TG: variants seen among roughly 807,000 people sequenced by gnomAD.
TG encodes thyroid hormones.
In TG, 270 loss-of-function variants were observed where a neutral mutation model predicts 324.7. The ratio of observed to expected loss-of-function variants is 0.83; its 90% confidence interval spans 0.75 to 0.92. The LOEUF is 0.92. TG is among the 40% of genes least tolerant of loss of function. The pLI is 0.00. For missense variants in TG, 3,591 were observed against 3,456.4 expected (o/e 1.04, Z -0.98); for synonymous variants, 1,401 against 1,327.0 (o/e 1.06, Z -1.21).
chr8:133,109,897 C>T (rs1222480643), intron 43 of TG, among the ~76,000 whole-genome samples: 1 of 152,150 alleles, frequency 6.6e-6, no homozygotes, highest in Non-Finnish European at 1.5e-5. Context: ...TCCTCTGCAG[C>T]CCAGGAGGCA....
rs142158989 is a variant in TG at position 133,116,756 on chromosome 8, C to T, written c.7862+40C>T. 2.2e-3 allele frequency: 3,453 copies of T among 1,554,072 alleles called. 6 individuals are homozygous for T. The highest frequency in any genetic ancestry group is 2.7e-3 in the Non-Finnish European group (3,070 of 1,125,794). Reference sequence around the variant, plus strand: ...GGAAGCAGAGAAAGGAAGGTAAAACCGAATGATAAGTCCCAGTTCGATGAC... The same window carrying T: ...GGAAGCAGAGAAAGGAAGGTAAAACTGAATGATAAGTCCCAGTTCGATGAC... On this transcript the variant is annotated intron_variant, in intron 45 of 47. Transcript: ENST00000220616.
rs1356653725 is a variant in TG at position 132,869,910 on chromosome 8, G to A, written c.274+84G>A. ...GAATGAGCACTGGGTTTGGGTGGGT[G>A]ACTGAGCAGGTCCTCCCTCTGGGCT... On this transcript the variant is annotated intron_variant, in intron 3 of 47. Coordinates refer to ENST00000220616, the MANE Select transcript of TG (RefSeq NM_003235.5). The A allele has an allele frequency of 5.8e-6, 7 of 1,217,240 alleles. No individual in the cohort carries two copies. In the Admixed American group the frequency reaches 1.3e-4, roughly 22 times the overall value. 75.4% of individuals were successfully genotyped at this position (1,217,240 alleles called of 1,614,324 possible). A position where few individuals can be genotyped will look rare whatever the true frequency, so the allele number is the denominator to read the frequency against.
At chr8:133,001,792 G>T (rs922946057) in intron 35 of TG, 31 of 985,334 alleles carry the variant, frequency 3.1e-5, no homozygotes, top group Non-Finnish European at 3.3e-5. Context: ...AGGTTTGCTG[G>T]GGGCCTGAAA....
chr8:132,901,225 C>G, intron 15 of TG, 128 bp from the exon 16 acceptor site: 4 of 1,102,958 alleles, frequency 3.6e-6, no homozygotes, highest in Non-Finnish European at 4.1e-6. Context: ...GGAGGCAGCC[C>G]CAGACCCCTG....
At chr8:133,132,071 CCAGCCA>C in intron 46 of TG, 125 bp downstream of exon 46, 1 of 1,426,368 alleles carries the variant, frequency 7.0e-7, no homozygotes, top group Non-Finnish European at 9.8e-7. Flanking sequence ...ACTATAATCA[CCAGCCA>C]CTGGCCTCCC....
chr8:133,106,136 G>C (rs545230468), intron 43 of TG, among the ~76,000 whole-genome samples: 1 of 152,306 alleles, frequency 6.6e-6, no homozygotes, highest in Non-Finnish European at 1.5e-5. Context: ...CAGTGGGGGG[G>C]TTTGCCCAGC....
At position 133,012,036 on chromosome 8, in the gene TG, G is replaced by A. The variant is rs767953561; in HGVS notation, c.6397+1G>A. On this transcript the variant is annotated splice_donor_variant, in intron 36 of 47. Transcript: ENST00000220616. LOFTEE classifies it high-confidence loss of function. The stretch of plus-strand genomic sequence containing the variant: ...GCTGTCCGAGACCTCTGTTTGTCGG[G>A]TAAGGGGAGTTTCCAACCCACAGGT... 2 of 1,614,164 alleles carry A rather than the reference G, an allele frequency of 1.2e-6. No individual in the cohort carries two copies. The highest frequency in any genetic ancestry group is 1.7e-6 in the Non-Finnish European group (2 of 1,180,016).
At chr8:132,923,034 G>A (rs974516603) in intron 21 of TG, among the ~76,000 whole-genome samples, 1 of 152,192 alleles carries the variant, frequency 6.6e-6, no homozygotes, top group Non-Finnish European at 1.5e-5. Flanking sequence ...GGCCAGAAGA[G>A]GGCCCAGATG....
At chr8:133,064,011 G>A (rs1842748518) in intron 41 of TG, 1 of 152,218 alleles carries the variant, frequency 6.6e-6, no homozygotes, top group Admixed American at 6.5e-5. Context: ...AGAGAAATGA[G>A]TTAATTAACA....
At chr8:132,990,653 T>G (rs1435949803) in intron 35 of TG, among the ~76,000 whole-genome samples, 2 of 152,194 alleles carry the variant, frequency 1.3e-5, no homozygotes, top group Non-Finnish European at 2.9e-5. Context: ...ATGGAATGAC[T>G]GAATATGCCA....
At chr8:132,907,435 C>T (rs1025591934) in intron 17 of TG, among the ~76,000 whole-genome samples, 5 of 152,168 alleles carry the variant, frequency 3.3e-5, no homozygotes, top group African/African-American at 1.2e-4. Flanking sequence ...TCCTAGTGCT[C>T]TGACCAGAGC....
intron 41 of TG, among the ~76,000 whole-genome samples, chr8:133,077,715 C>G (rs1588015310): frequency 6.7e-6 from 1 of 150,278 alleles, no homozygotes; most frequent in East Asian, 2.0e-4. Context: ...CATTTTGGAT[C>G]AGGGCATTCT....
At chr8:133,100,360 G>A (rs920623970) in intron 43 of TG, among the ~76,000 whole-genome samples, 5 of 152,124 alleles carry the variant, frequency 3.3e-5, no homozygotes, top group African/African-American at 7.2e-5. Context: ...GCCATATTAT[G>A]TATTTGTCTG....
intron 37 of TG, among the ~76,000 whole-genome samples, chr8:133,015,732 A>G (rs6471109): frequency 0.52 from 78,358 of 152,010 alleles, 21,410 homozygotes; most frequent in African/African-American, 0.69. Flanking sequence ...GTGCTTGCCC[A>G]AGACCCCTTG....
At chr8:132,957,784 C>CACACACACAT (rs1336885634) in intron 27 of TG, among the ~76,000 whole-genome samples, 2 of 145,744 alleles carry the variant, frequency 1.4e-5, no homozygotes, top group African/African-American at 2.7e-5. Flanking sequence ...CACACACACA[C>CACACACACAT]GTATGTATAT....
At chr8:133,059,004 G>A (rs539875219) in intron 41 of TG, 2 of 462,230 alleles carry the variant, frequency 4.3e-6, no homozygotes, top group East Asian at 6.8e-5. Context: ...GTCCATTTTG[G>A]AAGCAGTGAG....
chr8:132,991,239 G>A (rs1166925068), intron 35 of TG, among the ~76,000 whole-genome samples: 2 of 152,058 alleles, frequency 1.3e-5, no homozygotes, highest in Non-Finnish European at 2.9e-5. Flanking sequence ...GGGAGTCAGG[G>A]ACCCCACAGC....
At chr8:133,056,714 G>T (rs926533108) in intron 41 of TG, among the ~76,000 whole-genome samples, 40 of 152,206 alleles carry the variant, frequency 2.6e-4, no homozygotes, top group East Asian at 1.9e-4. Context: ...AAAGCACTGG[G>T]CACTGTGTCT....
chr8:132,934,421 G>C (rs931263894), intron 24 of TG, among the ~76,000 whole-genome samples: 1 of 152,200 alleles, frequency 6.6e-6, no homozygotes, highest in African/African-American at 2.4e-5. Context: ...TGTTCTGTGA[G>C]TCAAAGCTTA....
Sources: allele counts gnomAD v4.1 joint callset (sites outside exome capture counted in the v4.1 genomes callset), GRCh38; gene constraint gnomAD v4.1.1; transcripts MANE v1.5; gene names NCBI Gene and HGNC (gene_info 2026-07-23, HGNC 2026-07-21).